Variants in MKLN1 observed in about 807,000 individuals in gnomAD.
MKLN1 encodes muskelin 1.
MKLN1 carries 18 observed loss-of-function variants against 99.0 expected under a neutral mutation model. The observed-to-expected ratio is 0.18, with a 90% CI of 0.13 to 0.27. The LOEUF (loss-of-function observed/expected upper bound fraction) is 0.27. Among genes scored for constraint, MKLN1 ranks in the 10% least tolerant of loss-of-function variants. The probability of loss-of-function intolerance (pLI) is 1.00; values close to 1 mark genes in which losing one functional copy is unlikely to be tolerated. For missense variants in MKLN1, 621 were observed against 875.9 expected (o/e 0.71, Z 3.67); for synonymous variants, 288 against 293.2 (o/e 0.98, Z 0.18).
chr7:131,252,312 A>G (rs1454987344), intron 3 of MKLN1, among the ~76,000 whole-genome samples: 1 of 145,308 alleles, frequency 6.9e-6, no homozygotes, highest in African/African-American at 2.5e-5. Flanking sequence ...ATCATAGTGA[A>G]AGGACTTTTT....
intron 3 of MKLN1, among the ~76,000 whole-genome samples, chr7:131,322,211 C>T (rs1798791766): frequency 6.6e-6 from 1 of 152,124 alleles, no homozygotes; most frequent in South Asian, 2.1e-4. Flanking sequence ...CCAAAGCAGG[C>T]AGTTTAAGCA....
chr7:131,290,003 C>T (rs1798193075), intron 3 of MKLN1, among the ~76,000 whole-genome samples: 2 of 152,078 alleles, frequency 1.3e-5, no homozygotes, highest in South Asian at 4.2e-4. Context: ...GATGACAATG[C>T]TATTTAAAAT....
chr7:131,155,081 T>C (rs1795944108), intron 2 of MKLN1, among the ~76,000 whole-genome samples: 1 of 152,198 alleles, frequency 6.6e-6, no homozygotes. Flanking sequence ...TAGAGAAATT[T>C]AAAAAATCAA....
At chr7:131,112,482 T>C (rs1795215918) in intron 1 of MKLN1, among the ~76,000 whole-genome samples, 1 of 152,260 alleles carries the variant, frequency 6.6e-6, no homozygotes, top group Non-Finnish European at 1.5e-5. Flanking sequence ...CCCCATGTAC[T>C]TAGTCTCTCC....
intron 2 of MKLN1, among the ~76,000 whole-genome samples, chr7:131,172,021 T>G (rs200315622): frequency 6.6e-6 from 1 of 152,318 alleles, no homozygotes; most frequent in East Asian, 1.9e-4. Context: ...GAGCTGTTAA[T>G]GAAGACCTAG....
At chr7:131,190,234 G>A (rs541757870) in intron 2 of MKLN1, among the ~76,000 whole-genome samples, 1 of 152,280 alleles carries the variant, frequency 6.6e-6, no homozygotes, top group South Asian at 2.1e-4. Flanking sequence ...CAGGTGGATG[G>A]AGCAGGGGGA....
chr7:131,294,104 G>A (rs1328608064), intron 3 of MKLN1, among the ~76,000 whole-genome samples: 1 of 152,108 alleles, frequency 6.6e-6, no homozygotes, highest in Non-Finnish European at 1.5e-5. Flanking sequence ...CAAATGCAAT[G>A]TATGGACCTT....
At chr7:131,400,518 A>ATATATATATATATAT (rs1554567982) in intron 6 of MKLN1, among the ~76,000 whole-genome samples, 41 of 137,426 alleles carry the variant, frequency 3.0e-4, no homozygotes, top group African/African-American at 5.0e-4. Flanking sequence ...ATAAAAAAAA[A>ATATATATATATATAT]ATATATATAT....
chr7:131,340,193 T>C (rs927448576), intron 1 of MKLN1, among the ~76,000 whole-genome samples: 18 of 152,000 alleles, frequency 1.2e-4, no homozygotes, highest in African/African-American at 4.3e-4. Flanking sequence ...TCCCCTTTGT[T>C]CTGGCACCCA....
intron 8 of MKLN1, among the ~76,000 whole-genome samples, chr7:131,416,992 A>C (rs1053444347): frequency 7.9e-5 from 12 of 151,944 alleles, no homozygotes; most frequent in African/African-American, 2.9e-4. Context: ...AAAAAAAAAA[A>C]AAAAAAAAAA....
At chr7:131,460,496 G>A (rs949589555) in intron 12 of MKLN1, among the ~76,000 whole-genome samples, 5 of 152,196 alleles carry the variant, frequency 3.3e-5, no homozygotes, top group African/African-American at 1.2e-4. Flanking sequence ...CACACAAGTT[G>A]GGAACATATA....
In MKLN1 at chr7:131,430,364, G is replaced by A. The variant is rs1049360813; in HGVS notation, c.960+1219G>A. On this transcript the variant is annotated intron_variant, in intron 9 of 17. Coordinates refer to ENST00000352689, the MANE Select transcript of MKLN1 (RefSeq NM_013255.5). Reference sequence around the variant, plus strand: ...ATTCTGATTTACTTTTCTTACCCCGGGAAAGTATGTGTAAGTGGCCTTCCT... The same window carrying A: ...ATTCTGATTTACTTTTCTTACCCCGAGAAAGTATGTGTAAGTGGCCTTCCT... Among the ~76,000 whole-genome samples, 3 of 151,688 alleles carry A rather than the reference G, an allele frequency of 2.0e-5. No homozygotes were observed. In the East Asian group the frequency reaches 5.8e-4, roughly 29 times the overall value.
chr7:131,237,147 T>C (rs1026954279), intron 3 of MKLN1, among the ~76,000 whole-genome samples: 2 of 152,190 alleles, frequency 1.3e-5, no homozygotes, highest in Non-Finnish European at 2.9e-5. Flanking sequence ...GGCCTTAGTG[T>C]ATATATGCAA....
chr7:131,299,899 T>C (rs1361913688), intron 3 of MKLN1, among the ~76,000 whole-genome samples: 1 of 152,220 alleles, frequency 6.6e-6, no homozygotes, highest in African/African-American at 2.4e-5. Context: ...CAGAATGATG[T>C]CTTTTGTTTC....
intron 1 of MKLN1, among the ~76,000 whole-genome samples, chr7:131,136,686 A>T (rs1795653645): frequency 6.6e-6 from 1 of 152,222 alleles, no homozygotes; most frequent in Non-Finnish European, 1.5e-5. Context: ...ACCAGCCATA[A>T]AGTAACTGAA....
At chr7:131,303,111 A>G (rs146919884) in intron 3 of MKLN1, among the ~76,000 whole-genome samples, 7 of 152,354 alleles carry the variant, frequency 4.6e-5, no homozygotes, top group Non-Finnish European at 8.8e-5. Context: ...AAAAAAACTA[A>G]GCACTTATAA....
rs757984527 is a variant in MKLN1, at chr7:131,387,209, A to C, written c.258A>C (p.Lys86Asn). ...YEKTHVCNLKKFKVFGGMNEE... is the reference protein window; with the variant it reads ...YEKTHVCNLKNFKVFGGMNEE... ...AAACTCATGTTTGCAATTTGAAGAA[A>C]TTTAAAGTCTTTGGTGGAATGAATG... The change falls in exon 3 of 18, where the codon AAA becomes AAC. Residue 86 changes from lysine to asparagine, a missense_variant. This residue lies in a region of MKLN1 where 361 missense variants were observed against 540.8 expected (regional missense o/e 0.67). Transcript: ENST00000352689. The C allele has an allele frequency of 6.2e-7, 1 of 1,613,084 alleles. No individual in the cohort carries two copies. The highest frequency in any genetic ancestry group is 8.5e-7 in the Non-Finnish European group (1 of 1,179,528).
rs767424591 is a variant in MKLN1, at chr7:131,443,489, G to A, written c.1182G>A (p.Met394Ile). The change falls in exon 11 of 18, where the codon ATG becomes ATA. Residue 394 changes from methionine (M) to isoleucine (I), a missense_variant. By Grantham distance (10) the Met-to-Ile change is conservative. Coordinates refer to ENST00000352689, the MANE Select transcript of MKLN1 (RefSeq NM_013255.5). ...TTGCCTTGTTCTGATAGATGTGTAT[G>A]GACTCAGAAAAACATATGATCTACA... ...PKLVFDHQMC[M>I]DSEKHMIYTF... 6.3e-7 allele frequency: 1 copy of A among 1,598,338 alleles called. No homozygotes were observed. Among genetic ancestry groups the A allele is most frequent in the African/African-American group, 1.4e-5 (1 of 71,530 alleles).
At chr7:131,238,221 G>A (rs887925621) in intron 3 of MKLN1, among the ~76,000 whole-genome samples, 4 of 152,176 alleles carry the variant, frequency 2.6e-5, no homozygotes, top group South Asian at 2.1e-4. Flanking sequence ...GCAAAGGGCA[G>A]TCCTAAATTG....
Sources: gnomAD v4.1 joint callset for allele counts (sites outside exome capture counted in the v4.1 genomes callset) on GRCh38, gnomAD v4.1.1 for gene constraint, gnomAD v4.1.1 regional missense constraint, MANE v1.5 for transcripts, NCBI Gene and HGNC (gene_info 2026-07-23, HGNC 2026-07-21) for gene names.